The following DMD variants were observed in gnomAD, a reference collection of about 807,000 sequenced individuals.
The protein encoded by DMD is dystrophin, also known as mutant dystrophin.
Under a neutral mutation model 330.1 loss-of-function variants are expected in DMD, and 63 were observed. That is an observed-to-expected ratio of 0.19 (90% CI 0.16 to 0.24). The LOEUF (loss-of-function observed/expected upper bound fraction) is 0.24, where lower values mean the gene tolerates loss of function less well. Ranked by LOEUF, DMD falls within the 10% of genes least tolerant of loss-of-function variation. DMD has a pLI of 1.00. For synonymous variants in DMD, 1,223 were observed against 959.8 expected (o/e 1.27, Z -5.07); for missense variants, 3,344 against 2,684.1 (o/e 1.25, Z -5.43).
intron 16 of DMD, among the ~76,000 whole-genome samples, chrX:32,546,611 G>A (rs2048988515): frequency 9.0e-6 from 1 of 111,504 alleles, no homozygotes; most frequent in Non-Finnish European, 1.9e-5. Context: ...AGCTTAAAAA[G>A]GCTACCTTTT....
At chrX:32,738,237 G>A (rs922296971) in intron 7 of DMD, among the ~76,000 whole-genome samples, 1 of 111,646 alleles carries the variant, frequency 9.0e-6, no homozygotes, top group African/African-American at 3.3e-5. Flanking sequence ...GGTTTTGGAT[G>A]ATGGACTTTA....
chrX:32,807,755 G>A (rs986001135), intron 7 of DMD, among the ~76,000 whole-genome samples: 5 of 111,354 alleles, frequency 4.5e-5, no homozygotes, highest in Non-Finnish European at 9.4e-5. Flanking sequence ...TGATTATGAT[G>A]TGGATGCCCA....
At chrX:32,874,551 G>C (rs1000172463) in intron 2 of DMD, among the ~76,000 whole-genome samples, 1 of 111,523 alleles carries the variant, frequency 9.0e-6, no homozygotes, top group African/African-American at 3.3e-5. Context: ...ACCATGGTAG[G>C]AGGAGGAAAT....
At chrX:31,988,398 C>G (rs1182454324) in intron 44 of DMD, among the ~76,000 whole-genome samples, 1 of 97,831 alleles carries the variant, frequency 1.0e-5, no homozygotes, top group African/African-American at 3.7e-5. Flanking sequence ...GGCGTGAACC[C>G]GGGCAGTGGA....
At chrX:32,545,821 T>C (rs1245088509) in intron 16 of DMD, among the ~76,000 whole-genome samples, 1 of 111,344 alleles carries the variant, frequency 9.0e-6, no homozygotes, top group Non-Finnish European at 1.9e-5. Flanking sequence ...TAAAATTATT[T>C]CAACTTGGTA....
chrX:32,466,935 G>A (rs979135683), intron 23 of DMD, among the ~76,000 whole-genome samples: 2 of 110,901 alleles, frequency 1.8e-5, no homozygotes. Flanking sequence ...TTAAATTTCC[G>A]GCAATTTGTT....
intron 55 of DMD, among the ~76,000 whole-genome samples, chrX:31,620,001 C>T (rs2078434793): frequency 8.9e-6 from 1 of 112,101 alleles, no homozygotes; most frequent in Non-Finnish European, 1.9e-5. Context: ...GAACATTTGT[C>T]CCCATTGACT....
chrX:32,779,154 A>G lies in DMD; in HGVS notation c.649+30339T>C, dbSNP rs181489071. Among the ~76,000 whole-genome samples, 301 of 111,137 alleles carry G rather than the reference A, an allele frequency of 2.7e-3. 1 individual carries two copies. Among genetic ancestry groups the G allele is most frequent in the African/African-American group, 9.4e-3 (287 of 30,498 alleles). On this transcript the variant is annotated intron_variant, in intron 7 of 78. Transcript: ENST00000357033. ...TAATTGTTCATGTATGAATTATTTC[A>G]TCATTCCACTGATAGGTGGCACAGT...
chrX:33,088,858 G>A (rs908785050), intron 1 of DMD, among the ~76,000 whole-genome samples: 2 of 110,636 alleles, frequency 1.8e-5, no homozygotes, highest in Non-Finnish European at 1.9e-5. Flanking sequence ...GTTCATTAAT[G>A]ACTGGCTCTG....
At chrX:32,443,395 T>C (rs1488188110) in intron 27 of DMD, among the ~76,000 whole-genome samples, 3 of 111,112 alleles carry the variant, frequency 2.7e-5, no homozygotes, top group African/African-American at 9.8e-5. Flanking sequence ...AGTGTTTTGC[T>C]TTAAAAGGTG....
At chrX:32,573,087 A>G (rs557063993) in intron 15 of DMD, among the ~76,000 whole-genome samples, 1 of 111,384 alleles carries the variant, frequency 9.0e-6, no homozygotes, top group Non-Finnish European at 1.9e-5. Context: ...TCTTTATTTC[A>G]TAAGTTACCC....
chrX:31,131,309 A>T (rs1295628801), intron 77 of DMD, among the ~76,000 whole-genome samples: 4 of 112,358 alleles, frequency 3.6e-5, no homozygotes, highest in African/African-American at 1.3e-4. Context: ...TTTTTAAATA[A>T]ATAAAATAGA....
chrX:32,614,111 T>A (rs1266788877), intron 12 of DMD, among the ~76,000 whole-genome samples, 192 bp downstream of exon 12: 2 of 110,817 alleles, frequency 1.8e-5, no homozygotes, highest in African/African-American at 6.5e-5. Context: ...ATCACCTGAA[T>A]TTTGGAGGGG....
intron 44 of DMD, among the ~76,000 whole-genome samples, chrX:32,188,730 T>C (rs781013065): frequency 9.1e-6 from 1 of 109,682 alleles, no homozygotes; most frequent in East Asian, 2.9e-4. Context: ...TTCCAATTTA[T>C]ACACACACAT....
Position 32,611,507 on chromosome X carries a change from TG to T in DMD, c.1482+2795del, listed in dbSNP as rs758107421. On this transcript the variant is annotated intron_variant, in intron 12 of 78. Coordinates refer to ENST00000357033, the MANE Select transcript of DMD (RefSeq NM_004006.3). ...TATATTTAAATTTTATGACAATATT[TG>T]TCAAACGTTTTCCATTTCATTCACA... 5.4e-5 allele frequency among the ~76,000 whole-genome samples: 6 copies of T among 112,032 alleles called. No homozygotes were observed. In the East Asian group the frequency reaches 1.4e-3, roughly 26 times the overall value.
At chrX:32,421,840 G>A (rs1343511955) in intron 29 of DMD, among the ~76,000 whole-genome samples, 2 of 111,705 alleles carry the variant, frequency 1.8e-5, no homozygotes, top group African/African-American at 3.3e-5. Context: ...AGATTAAGAT[G>A]TGGACAATGC....
chrX:32,879,021 A>AAAAACAAAAAAAAAAAAAAC (rs1352069437), intron 2 of DMD, among the ~76,000 whole-genome samples: 1 of 101,766 alleles, frequency 9.8e-6, no homozygotes, highest in African/African-American at 3.5e-5. Context: ...AAAAAAACAA[A>AAAAACAAAAAAAAAAAAAAC]AAACAAAAAA....
In DMD at chrX:31,667,528, G is replaced by C. The variant is rs188312115; in HGVS notation, c.7873-9384C>G. On this transcript the variant is annotated intron_variant, in intron 53 of 78. Transcript: ENST00000357033. Reference sequence around the variant, plus strand: ...GGGAAGGGTAGTGGTAGGGGGAAAGGGGGGGATGGCTAATGGGTAGTGAAA... The same window carrying C: ...GGGAAGGGTAGTGGTAGGGGGAAAGCGGGGGATGGCTAATGGGTAGTGAAA... Among the ~76,000 whole-genome samples, 31 of 110,201 alleles carry C rather than the reference G, an allele frequency of 2.8e-4. No individual in the cohort carries two copies. The East Asian group carries it at 6.5e-3, about 23-fold the overall frequency.
chrX:31,195,834 CAGGA>C (rs1324791791), intron 67 of DMD, among the ~76,000 whole-genome samples: 1 of 101,145 alleles, frequency 9.9e-6, no homozygotes, highest in Admixed American at 1.1e-4. Context: ...GGAGGGAGGG[CAGGA>C]AGGAAGGAAG....
Sources: allele counts gnomAD v4.1 joint callset (sites outside exome capture counted in the v4.1 genomes callset), GRCh38; gene constraint gnomAD v4.1.1; transcripts MANE v1.5; gene names NCBI Gene and HGNC (gene_info 2026-07-23, HGNC 2026-07-21).